The following ZNF471 variants were observed in gnomAD, a reference collection of about 807,000 sequenced individuals.
ZNF471 encodes zinc finger protein 471.
A neutral mutation model predicts 13.7 loss-of-function variants in ZNF471; 7 were observed. The ratio of observed to expected loss-of-function variants is 0.51; its 90% confidence interval spans 0.29 to 0.96. ZNF471 has a LOEUF of 0.96. ZNF471 is among the 40% of genes least tolerant of loss of function. ZNF471 has a pLI of 0.08. For missense variants in ZNF471, 663 were observed against 743.3 expected (o/e 0.89, Z 1.26); for synonymous variants, 218 against 235.6 (o/e 0.93, Z 0.68).
At chr19:56,518,461 A>G (rs750669865) in intron 3 of ZNF471, 21 bp from the exon 4 acceptor site, 5 of 1,599,114 alleles carry the variant, frequency 3.1e-6, no homozygotes, top group Admixed American at 1.7e-5. Context: ...ACCAATTTTC[A>G]TGTCTTTTTT....
At chr19:56,509,752 T>TGTGTGC (rs2043785755) in intron 1 of ZNF471, 1 of 334,482 alleles carries the variant, frequency 3.0e-6, no homozygotes, top group African/African-American at 2.3e-5. Context: ...TGTGTGTGTG[T>TGTGTGC]GTAGATCCCC....
chr19:56,511,378 G>A, intron 1 of ZNF471, 139 bp from the exon 2 acceptor site: 2 of 581,378 alleles, frequency 3.4e-6, no homozygotes. Flanking sequence ...ATGAGTTTTA[G>A]CCCTTCAGTG....
rs1210080090 is a variant in ZNF471 at position 56,524,428 on chromosome 19, T to G, written c.361T>G (p.Phe121Val). ...TAGCTATGGACTTGAGTGTTCCACTTTTGAAGAAAATTGGAAATGGGAAGA... is the reference window on the plus strand; with the variant it reads ...TAGCTATGGACTTGAGTGTTCCACTGTTGAAGAAAATTGGAAATGGGAAGA... ...ITSYGLECST[F>V]EENWKWEDLF... The change falls in exon 5 of 5, where the codon TTT becomes GTT. Residue 121 changes from phenylalanine (F) to valine (V), a missense_variant. Transcript: ENST00000308031. This position sits in a 1 kb window ranked among gnomAD's most constrained non-coding sequence, Gnocchi z 4.8. 1.2e-6 allele frequency: 2 copies of G among 1,613,822 alleles called. No homozygotes were observed. Among genetic ancestry groups the G allele is most frequent in the Non-Finnish European group, 1.7e-6 (2 of 1,179,964 alleles).
Position 56,525,783 on chromosome 19 carries a change from A to G in ZNF471, c.1716A>G (p.Lys572=). 2 of 1,614,162 alleles carry G rather than the reference A, an allele frequency of 1.2e-6. No individual in the cohort carries two copies. Among genetic ancestry groups the G allele is most frequent in the Non-Finnish European group, 1.7e-6 (2 of 1,180,018 alleles). The change falls in exon 5 of 5, where the codon AAA becomes AAG. Residue 572 remains lysine (K), a synonymous_variant. Transcript: ENST00000308031. ...TTCATACTGGAGAGAAACCCTATAA[A>G]TGTACTGAATGTGGAAAGGCTTTTA... ...QRIHTGEKPY[K]CTECGKAFSD...
Position 56,510,455 on chromosome 19 carries a change from T to C in ZNF471, c.-55-1062T>C. On this transcript the variant is annotated intron_variant, in intron 1 of 4. Transcript: ENST00000308031. The surrounding 1 kb of genome is among the most constrained non-coding windows in gnomAD (Gnocchi z 4.3). ...TGTGAGGTTGTGAAGCATGCATGTG[T>C]GAGTGAGACAGAGATAAGGGACAGT... 1.0e-6 allele frequency: 1 copy of C among 985,688 alleles called. No homozygotes were observed. Among genetic ancestry groups the C allele is most frequent in the Non-Finnish European group, 1.2e-6 (1 of 829,980 alleles). The allele number at this position is 985,688 out of a possible 1,614,324, so 61.1% of individuals were successfully genotyped here.
chr19:56,524,514 T>C lies in ZNF471; in HGVS notation c.447T>C (p.His149=). Residue 149 remains histidine, a synonymous_variant, in exon 5 of 5, where the codon CAT becomes CAC. Coordinates refer to ENST00000308031, the MANE Select transcript of ZNF471 (RefSeq NM_020813.4). The surrounding 1 kb of genome is among the most constrained non-coding windows in gnomAD (Gnocchi z 4.8). Reference sequence around the variant, plus strand: ...TTAGCAAGAAAGAAATAATCACTCATAAAGAAACCATCACTAAGGAAACAG... The same window carrying C: ...TTAGCAAGAAAGAAATAATCACTCACAAAGAAACCATCACTAAGGAAACAG... The part of the protein sequence containing the change: ...EMFSKKEIIT[H]KETITKETEF... 6.2e-7 allele frequency: 1 copy of C among 1,605,068 alleles called. No homozygotes were observed.
intron 4 of ZNF471, among the ~76,000 whole-genome samples, chr19:56,519,794 C>T (rs2147919699): frequency 6.6e-6 from 1 of 152,318 alleles, no homozygotes; most frequent in South Asian, 2.1e-4. Flanking sequence ...ATGGAAAATT[C>T]CAGAAGTAAA....
At chr19:56,517,711 G>A (rs181092780) in intron 3 of ZNF471, among the ~76,000 whole-genome samples, 112 of 152,302 alleles carry the variant, frequency 7.4e-4, no homozygotes, top group African/African-American at 2.5e-3. Context: ...AAAGTGCTGG[G>A]ATTACAGGCG....
chr19:56,509,008 A>G (rs953230022), intron 1 of ZNF471, among the ~76,000 whole-genome samples: 9 of 152,198 alleles, frequency 5.9e-5, no homozygotes, highest in African/African-American at 2.2e-4. Flanking sequence ...TATAGGACAA[A>G]GTTATGTTTC....
chr19:56,511,493 T>C (rs1392316029), intron 1 of ZNF471, 24 bp from the exon 2 acceptor site: 2 of 1,582,564 alleles, frequency 1.3e-6, no homozygotes, highest in East Asian at 2.3e-5. Context: ...GCCTCATCTC[T>C]CTCTAACCTT....
intron 2 of ZNF471, among the ~76,000 whole-genome samples, chr19:56,513,516 A>T (rs1357657353): frequency 6.6e-6 from 1 of 151,904 alleles, no homozygotes; most frequent in Non-Finnish European, 1.5e-5. Context: ...TAATTCTCTA[A>T]TCTCCTGTTA....
rs916581822 is a variant in ZNF471 at position 56,510,057 on chromosome 19, A to T, written c.-55-1460A>T. 1.6e-5 allele frequency: 16 copies of T among 985,528 alleles called. No individual in the cohort carries two copies. Among genetic ancestry groups the T allele is most frequent in the Non-Finnish European group, 1.9e-5 (16 of 830,058 alleles). The allele number at this position is 985,528 out of a possible 1,614,324, so 61.0% of individuals were successfully genotyped here. Reference sequence around the variant, plus strand: ...GGGTATGTTGGTGTGAGTGTGTGAGAGACCAATGGGTATGTGAGAGACTAG... The same window carrying T: ...GGGTATGTTGGTGTGAGTGTGTGAGTGACCAATGGGTATGTGAGAGACTAG... On this transcript the variant is annotated intron_variant, in intron 1 of 4. Transcript: ENST00000308031. The surrounding 1 kb of genome is among the most constrained non-coding windows in gnomAD (Gnocchi z 4.3).
chr19:56,512,655 C>T (rs2043827567), intron 2 of ZNF471, among the ~76,000 whole-genome samples: 1 of 152,072 alleles, frequency 6.6e-6, no homozygotes, highest in African/African-American at 2.4e-5. Flanking sequence ...CTGTACTACA[C>T]TCAGTTTTAC....
rs1328975447 is a variant in ZNF471 at position 56,522,741 on chromosome 19, T to TTTTTTTC, written c.257-1577_257-1576insCTTTTTT. ...TAGCAATATATTTTTTCTTTTTTTC[T>TTTTTTTC]TTTTTTTTTTTTGAGATGGAGTTTC... On this transcript the variant is annotated intron_variant, in intron 4 of 4. Transcript: ENST00000308031. This position sits in a 1 kb window ranked among gnomAD's most constrained non-coding sequence, Gnocchi z 4.1. Among the ~76,000 whole-genome samples, 1 of 144,740 alleles carries TTTTTTTC rather than the reference T, an allele frequency of 6.9e-6. No homozygotes were observed. The highest frequency in any genetic ancestry group is 1.5e-5 in the Non-Finnish European group (1 of 65,462). The allele number at this position is 144,740 out of a possible 152,430, so 95.0% of individuals were successfully genotyped here.
At chr19:56,517,214 C>T (rs1374176646) in intron 3 of ZNF471, among the ~76,000 whole-genome samples, 5 of 149,226 alleles carry the variant, frequency 3.4e-5, no homozygotes. Flanking sequence ...CAATCTTGGC[C>T]CACCACCTCC....
Position 56,524,957 on chromosome 19 carries a change from AAGCCTTCAGAC to A in ZNF471, c.896_906del (p.Phe299CysfsTer17). On this transcript the variant is annotated frameshift_variant, in exon 5 of 5. Transcript: ENST00000308031. LOFTEE classifies it low-confidence loss of function (END_TRUNC). This position sits in a 1 kb window ranked among gnomAD's most constrained non-coding sequence, Gnocchi z 4.8. ...CCATATAAATGTAAGGAATGCAGAA[AAGCCTTCAGAC>A]AGCCTGCACACCTTGCTCAGCATCA... is the stretch of plus-strand genomic sequence containing the variant. The A allele has an allele frequency of 6.2e-7, 1 of 1,614,180 alleles. No homozygotes were observed. Among genetic ancestry groups the A allele is most frequent in the Middle Eastern group, 1.6e-4 (1 of 6,062 alleles).
rs767674423 is a variant in ZNF471 at position 56,517,272 on chromosome 19, C to T, written c.160+871C>T. Among the ~76,000 whole-genome samples, 106 of 144,260 alleles carry T rather than the reference C, an allele frequency of 7.3e-4. 1 individual carries two copies. Among genetic ancestry groups the T allele is most frequent in the Non-Finnish European group, 1.4e-3 (96 of 66,888 alleles). 94.6% of individuals were successfully genotyped at this position (144,260 alleles called of 152,430 possible). ...CTTAGCCTCCCAAGTAGCTGGATTA[C>T]AGGCACCCACCACCACACCCAGCTA... On this transcript the variant is annotated intron_variant, in intron 3 of 4. Transcript: ENST00000308031.
At chr19:56,517,278 C>G (rs1007214973) in intron 3 of ZNF471, among the ~76,000 whole-genome samples, 1 of 147,984 alleles carries the variant, frequency 6.8e-6, no homozygotes, top group African/African-American at 2.5e-5. Context: ...ATTACAGGCA[C>G]CCACCACCAC....
At chr19:56,512,313 T>C (rs1371736876) in intron 2 of ZNF471, among the ~76,000 whole-genome samples, 2 of 151,746 alleles carry the variant, frequency 1.3e-5, no homozygotes, top group Non-Finnish European at 2.9e-5. Flanking sequence ...GATGAAATTT[T>C]TGTCTACCTT....
Sources: gnomAD v4.1 joint callset for allele counts (sites outside exome capture counted in the v4.1 genomes callset) on GRCh38, gnomAD v4.1.1 for gene constraint, Gnocchi (gnomAD v3.1) non-coding constraint, MANE v1.5 for transcripts, NCBI Gene and HGNC (gene_info 2026-07-23, HGNC 2026-07-21) for gene names.